Variants in PARD3B observed in about 807,000 individuals in gnomAD.
PARD3B encodes the protein par-3 family cell polarity regulator beta.
In PARD3B, 103 loss-of-function variants were observed where a neutral mutation model predicts 130.2. The ratio of observed to expected loss-of-function variants is 0.79; its 90% confidence interval spans 0.67 to 0.93. The LOEUF (loss-of-function observed/expected upper bound fraction) is 0.93. PARD3B is among the 40% of genes least tolerant of loss of function. The probability of loss-of-function intolerance (pLI) is 0.00; values close to 1 mark genes in which losing one functional copy is unlikely to be tolerated. For synonymous variants in PARD3B, 583 were observed against 553.2 expected, an observed-to-expected ratio of 1.05 and a Z score of -0.76; for missense variants, 1,609 against 1,499.2, an observed-to-expected ratio of 1.07 and a Z score of -1.21.
chr2:204,661,948 A>G (rs1574639302), intron 1 of PARD3B, among the ~76,000 whole-genome samples: 1 of 152,316 alleles, frequency 6.6e-6, no homozygotes, highest in South Asian at 2.1e-4. Context: ...GATCATTTTA[A>G]TACTCTTTTC....
At chr2:204,723,591 G>T (rs2039090454) in intron 2 of PARD3B, among the ~76,000 whole-genome samples, 2 of 152,128 alleles carry the variant, frequency 1.3e-5, no homozygotes, top group African/African-American at 4.8e-5. Context: ...GAACCTCAGA[G>T]TTTAAAGCCA....
chr2:204,803,076 C>A (rs1439753240), intron 2 of PARD3B, among the ~76,000 whole-genome samples: 4 of 145,850 alleles, frequency 2.7e-5, no homozygotes, highest in African/African-American at 1.0e-4. Context: ...GTACATCTGG[C>A]AGCAGACTTT....
intron 2 of PARD3B, among the ~76,000 whole-genome samples, chr2:204,711,869 A>G (rs1473454656): frequency 7.2e-5 from 11 of 152,082 alleles, no homozygotes; most frequent in African/African-American, 2.7e-4. Context: ...CCTCCATTTT[A>G]CAAGTGGGAA....
At chr2:205,167,444 A>G (rs1230647472) in intron 11 of PARD3B, among the ~76,000 whole-genome samples, 1 of 152,178 alleles carries the variant, frequency 6.6e-6, no homozygotes, top group Non-Finnish European at 1.5e-5. Context: ...AAAGGCTAAA[A>G]ATCACTAGCA....
chr2:204,966,843 C>A (rs1388475075), intron 3 of PARD3B, among the ~76,000 whole-genome samples: 1 of 152,178 alleles, frequency 6.6e-6, no homozygotes, highest in East Asian at 1.9e-4. Flanking sequence ...CATGAGTACA[C>A]ACCATCTAAA....
chr2:205,538,314 C>T (rs546525112), intron 21 of PARD3B, among the ~76,000 whole-genome samples: 4 of 152,224 alleles, frequency 2.6e-5, no homozygotes, highest in Admixed American at 2.0e-4. Flanking sequence ...CTTGAACCAA[C>T]GTAAGGAAAT....
At chr2:205,334,415 G>A (rs16837234) in intron 18 of PARD3B, among the ~76,000 whole-genome samples, 5,157 of 152,256 alleles carry the variant, frequency 0.034, 102 homozygotes, top group Middle Eastern at 0.058. Flanking sequence ...TGTGCAAGAT[G>A]AATTCAATTC....
intron 22 of PARD3B, among the ~76,000 whole-genome samples, chr2:205,613,432 A>G (rs115595701): frequency 4.7e-4 from 72 of 152,364 alleles, no homozygotes; most frequent in African/African-American, 1.6e-3. Flanking sequence ...AGACTTAAAG[A>G]ATTCTTATGA....
chr2:205,613,990 CCTTAATTATTGTTGTTGTTTTT>C (rs2055329337), intron 22 of PARD3B, among the ~76,000 whole-genome samples: 1 of 152,134 alleles, frequency 6.6e-6, no homozygotes, highest in Admixed American at 6.5e-5. Flanking sequence ...GGGAGCTTTC[CCTTAATTATTGTTGTTGTTTTT>C]CTTTTTTAAA....
chr2:204,608,633 G>A (rs982186241), intron 1 of PARD3B, among the ~76,000 whole-genome samples: 5 of 152,134 alleles, frequency 3.3e-5, no homozygotes, highest in African/African-American at 1.2e-4. Context: ...TTTTGGGAGT[G>A]TTGGTGACAT....
At position 204,625,155 on chromosome 2, in the gene PARD3B, T is replaced by C. The variant is rs141218536; in HGVS notation, c.121-61026T>C. ...TACGGTTTGGAAATATTTTTTTCTC[T>C]GTAGCTTGTCTTTTCATCCTCATTT... On this transcript the variant is annotated intron_variant, in intron 1 of 22. Transcript: ENST00000406610. 7.9e-3 allele frequency among the ~76,000 whole-genome samples: 1,196 copies of C among 152,348 alleles called. 9 individuals carry two copies. The highest frequency in any genetic ancestry group is 0.012 in the Non-Finnish European group (849 of 68,034).
chr2:204,910,461 T>C (rs1259514551), intron 2 of PARD3B, among the ~76,000 whole-genome samples: 3 of 152,140 alleles, frequency 2.0e-5, no homozygotes, highest in African/African-American at 7.2e-5. Context: ...ACTTTCAAGC[T>C]AAGGGAAATG....
intron 10 of PARD3B, among the ~76,000 whole-genome samples, chr2:205,139,461 G>A (rs915566073): frequency 3.9e-5 from 6 of 152,120 alleles, no homozygotes; most frequent in African/African-American, 1.2e-4. Flanking sequence ...GAAACTGGGC[G>A]TATATTTTCA....
chr2:204,932,897 G>A (rs1688134388), intron 2 of PARD3B, among the ~76,000 whole-genome samples: 1 of 152,086 alleles, frequency 6.6e-6, no homozygotes, highest in South Asian at 2.1e-4. Flanking sequence ...GTAACCCCAG[G>A]GTAATGCCAC....
At chr2:204,794,746 A>G (rs531203345) in intron 2 of PARD3B, among the ~76,000 whole-genome samples, 14 of 152,348 alleles carry the variant, frequency 9.2e-5, no homozygotes, top group African/African-American at 3.1e-4. Flanking sequence ...GGCTCACAAA[A>G]TACATGAAAG....
intron 21 of PARD3B, among the ~76,000 whole-genome samples, chr2:205,518,335 G>C (rs1454897033): frequency 6.6e-6 from 1 of 151,860 alleles, no homozygotes; most frequent in South Asian, 2.1e-4. Context: ...TGTAATGCCC[G>C]TCTTTATCTT....
chr2:205,054,404 T>TATATATATATATATATATA (rs1699451825), intron 4 of PARD3B, among the ~76,000 whole-genome samples: 4 of 33,826 alleles, frequency 1.2e-4, no homozygotes, highest in Non-Finnish European at 2.3e-4. Flanking sequence ...GACATGTCTT[T>TATATATATATATATATATA]TATATATATA....
intron 15 of PARD3B, among the ~76,000 whole-genome samples, chr2:205,206,664 C>T (rs1324618138): frequency 6.6e-6 from 1 of 151,814 alleles, no homozygotes; most frequent in Non-Finnish European, 1.5e-5. Context: ...GTGAATAATG[C>T]CGCAATAAAC....
chr2:205,230,729 T>C lies in PARD3B; in HGVS notation c.2141-15049T>C, dbSNP rs1389065850. 6.6e-6 allele frequency among the ~76,000 whole-genome samples: 1 copy of C among 152,144 alleles called. No homozygotes were observed. Among genetic ancestry groups the C allele is most frequent in the East Asian group, 1.9e-4 (1 of 5,174 alleles). ...CCCAGTAATTGCAGTCCTTAGGGCC[T>C]AGACTACCTTTCAAGTCTGTTTAGG... On this transcript the variant is annotated intron_variant, in intron 15 of 22. Transcript: ENST00000406610. This position sits in a 1 kb window ranked among gnomAD's most constrained non-coding sequence, Gnocchi z 4.1.
Sources: allele counts gnomAD v4.1 joint callset (sites outside exome capture counted in the v4.1 genomes callset), GRCh38; gene constraint gnomAD v4.1.1; non-coding constraint Gnocchi (gnomAD v3.1); transcripts MANE v1.5; gene names NCBI Gene and HGNC (gene_info 2026-07-23, HGNC 2026-07-21).